The following GALNT13 variants were observed in gnomAD, a reference collection of about 807,000 sequenced individuals.
GALNT13 encodes UDP-GalNAc:polypeptide N-acetylgalactosaminyltransferase 13.
Under a neutral mutation model 64.2 loss-of-function variants are expected in GALNT13, and 28 were observed. That is an observed-to-expected ratio of 0.44 (90% CI 0.32 to 0.60). The LOEUF is 0.60. Ranked by LOEUF, GALNT13 falls within the 20% of genes least tolerant of loss-of-function variation. The pLI, the probability that GALNT13 is intolerant of heterozygous loss-of-function variation, is 0.05. For synonymous variants in GALNT13, 214 were observed against 224.6 expected (o/e 0.95, Z 0.42); for missense variants, 577 against 669.8 (o/e 0.86, Z 1.53).
chr2:153,258,369 A>AAAAACAAAC, the GALNT13 span, among the ~76,000 whole-genome samples: 1 of 147,042 alleles, frequency 6.8e-6, no homozygotes, highest in Non-Finnish European at 1.5e-5. Context: ...CTGGTCTCCC[A>AAAAACAAAC]AAAACAAAAC....
chr2:153,895,654 C>G (rs1313560310), intron 1 of GALNT13, among the ~76,000 whole-genome samples: 2 of 152,078 alleles, frequency 1.3e-5, no homozygotes, highest in East Asian at 3.9e-4. Flanking sequence ...AAAATATAAC[C>G]TGATTTGGAA....
chr2:154,084,399 C>G (rs1401854423), intron 3 of GALNT13, among the ~76,000 whole-genome samples: 6 of 151,772 alleles, frequency 4.0e-5, no homozygotes, highest in African/African-American at 1.2e-4. Flanking sequence ...TGAAAGGACC[C>G]TTTAAAATTC....
At chr2:154,038,691 A>G (rs1698805738) in intron 3 of GALNT13, among the ~76,000 whole-genome samples, 1 of 152,162 alleles carries the variant, frequency 6.6e-6, no homozygotes, top group Non-Finnish European at 1.5e-5. Context: ...ATGCTTCAAG[A>G]CATGAGTCCA....
the GALNT13 span, among the ~76,000 whole-genome samples, chr2:153,605,760 C>T: frequency 1.3e-5 from 2 of 152,060 alleles, no homozygotes; most frequent in Non-Finnish European, 2.9e-5. Context: ...AGGGGTTGGT[C>T]AGAGTTTTGA....
At chr2:153,444,603 T>G in the GALNT13 span, among the ~76,000 whole-genome samples, 5 of 152,224 alleles carry the variant, frequency 3.3e-5, no homozygotes, top group African/African-American at 1.2e-4. Context: ...TTTCCAATGA[T>G]GTACACTGAT....
the GALNT13 span, among the ~76,000 whole-genome samples, chr2:153,708,960 A>G: frequency 2.6e-5 from 4 of 152,108 alleles, no homozygotes; most frequent in African/African-American, 9.7e-5. Context: ...GGGCCTTATC[A>G]TACACAATAT....
chr2:154,305,634 A>T (rs1693691332), intron 9 of GALNT13, among the ~76,000 whole-genome samples: 1 of 152,166 alleles, frequency 6.6e-6, no homozygotes, highest in Admixed American at 6.5e-5. Flanking sequence ...TTAAGTGCTG[A>T]GCCTTTATAA....
intron 2 of GALNT13, among the ~76,000 whole-genome samples, chr2:153,918,035 T>G (rs1002711100): frequency 2.6e-5 from 4 of 152,124 alleles, no homozygotes; most frequent in African/African-American, 9.7e-5. Context: ...TTTGGCAAGA[T>G]GTATCATCAT....
At position 154,357,678 on chromosome 2, in the gene GALNT13, G is replaced by C. The variant is rs193118633; in HGVS notation, c.1157-38313G>C. Among the ~76,000 whole-genome samples the C allele has an allele frequency of 7.9e-5, 12 of 152,128 alleles. No homozygotes were observed. The East Asian group carries it at 1.9e-3, about 25-fold the overall frequency. ...CCTGAAACAAAGCTTCATTACTGAA[G>C]GATATGGGTCAAGGGATGACTGGTC... On this transcript the variant is annotated intron_variant, in intron 9 of 12. Transcript: ENST00000392825.
chr2:153,636,258 A>G, the GALNT13 span, among the ~76,000 whole-genome samples: 3 of 152,160 alleles, frequency 2.0e-5, no homozygotes, highest in East Asian at 5.8e-4. Context: ...TTATTTTTTA[A>G]TATTCCCCTC....
At chr2:153,094,099 AT>A in the GALNT13 span, among the ~76,000 whole-genome samples, 2 of 151,946 alleles carry the variant, frequency 1.3e-5, no homozygotes, top group African/African-American at 2.4e-5. Flanking sequence ...AAGTTTGTCC[AT>A]TTTGTTTAAC....
intron 8 of GALNT13, among the ~76,000 whole-genome samples, chr2:154,265,571 C>A (rs1690947681): frequency 6.6e-6 from 1 of 152,006 alleles, no homozygotes; most frequent in Admixed American, 6.6e-5. Context: ...TGGTGGCGGG[C>A]ACCTGTAATC....
At chr2:153,894,148 A>G (rs1488024841) in intron 1 of GALNT13, among the ~76,000 whole-genome samples, 1 of 152,038 alleles carries the variant, frequency 6.6e-6, no homozygotes, top group South Asian at 2.1e-4. Context: ...GCTTGGAACA[A>G]TCATTTTGCC....
the GALNT13 span, among the ~76,000 whole-genome samples, chr2:153,563,415 C>T: frequency 6.6e-6 from 1 of 152,040 alleles, no homozygotes; most frequent in African/African-American, 2.4e-5. Context: ...AGTGGATCTT[C>T]AGATTTTTGT....
At chr2:153,684,310 A>G in the GALNT13 span, among the ~76,000 whole-genome samples, 1 of 151,672 alleles carries the variant, frequency 6.6e-6, no homozygotes, top group Non-Finnish European at 1.5e-5. Flanking sequence ...TTTCTGGGTT[A>G]CTGTGTCTAT....
chr2:154,083,756 C>A (rs1261619444), intron 3 of GALNT13, among the ~76,000 whole-genome samples: 1 of 151,790 alleles, frequency 6.6e-6, no homozygotes, highest in Non-Finnish European at 1.5e-5. Context: ...CCCTGCCTGA[C>A]CTTTCCTTTT....
chr2:153,122,691 G>A, the GALNT13 span, among the ~76,000 whole-genome samples: 3 of 152,082 alleles, frequency 2.0e-5, no homozygotes, highest in African/African-American at 7.2e-5. Context: ...CTGCAGAGCT[G>A]GTCCAACCAG....
chr2:153,993,538 A>G (rs1245483743), intron 3 of GALNT13, among the ~76,000 whole-genome samples: 1 of 151,812 alleles, frequency 6.6e-6, no homozygotes, highest in Non-Finnish European at 1.5e-5. Flanking sequence ...TACTAAAAAT[A>G]CAAAAAAAAT....
intron 11 of GALNT13, among the ~76,000 whole-genome samples, chr2:154,438,391 A>G (rs1477935645): frequency 1.3e-5 from 2 of 152,218 alleles, no homozygotes; most frequent in East Asian, 3.9e-4. Flanking sequence ...TCACCAAAAC[A>G]TCATAAAACA....
Sources: allele counts gnomAD v4.1 joint callset (sites outside exome capture counted in the v4.1 genomes callset), GRCh38; gene constraint gnomAD v4.1.1; transcripts MANE v1.5; gene names NCBI Gene and HGNC (gene_info 2026-07-23, HGNC 2026-07-21).